The following DNAAF11 variants were observed in gnomAD, a reference collection of about 807,000 sequenced individuals.
DNAAF11 encodes the protein leucine rich repeat containing 6.
DNAAF11 carries 45 observed loss-of-function variants against 60.8 expected under a neutral mutation model. That is an observed-to-expected ratio of 0.74 (90% CI 0.58 to 0.95). The LOEUF is 0.95. Ranked by LOEUF, DNAAF11 falls within the 40% of genes least tolerant of loss-of-function variation. DNAAF11 has a pLI of 0.00. For synonymous variants in DNAAF11, 191 were observed against 183.5 expected (o/e 1.04, Z -0.33); for missense variants, 546 against 546.2 (o/e 1.00, Z 0.00).
At chr8:132,584,536 G>A (rs968897666) in intron 10 of DNAAF11, among the ~76,000 whole-genome samples, 2 of 152,164 alleles carry the variant, frequency 1.3e-5, no homozygotes, top group Admixed American at 6.5e-5. Context: ...ACATTCCTAT[G>A]AGACAGGGAT....
chr8:132,587,610 A>G (rs542672660), intron 10 of DNAAF11, among the ~76,000 whole-genome samples: 1 of 151,550 alleles, frequency 6.6e-6, no homozygotes, highest in Non-Finnish European at 1.5e-5. Context: ...CGTCTTATTC[A>G]TTTGTGCTAA....
At position 132,572,243 on chromosome 8, in the gene DNAAF11, G is replaced by T. The variant is rs559073925; in HGVS notation, c.*63C>A. ...TTATCCCAGGAATAATATGCATATG[G>T]TCTCTACACCAACCAAAACTGGACC... On this transcript the variant is annotated 3_prime_UTR_variant, in exon 12 of 12. Transcript: ENST00000620350. 9.5e-5 allele frequency: 134 copies of T among 1,404,244 alleles called. 12 individuals are homozygous for T. Among genetic ancestry groups the T allele is most frequent in the Admixed American group, 4.5e-4 (23 of 50,974 alleles). The allele number at this position is 1,404,244 out of a possible 1,614,324, so 87.0% of individuals were successfully genotyped here. A position where few individuals can be genotyped will look rare whatever the true frequency, so the allele number is the denominator to read the frequency against.
At chr8:132,664,628 ATT>A (rs765311899) in intron 1 of DNAAF11, among the ~76,000 whole-genome samples, 1 of 140,318 alleles carries the variant, frequency 7.1e-6, no homozygotes. Flanking sequence ...CACCCAGCTA[ATT>A]TTTTTTTTTT....
At chr8:132,656,459 T>C (rs1342940999) in intron 3 of DNAAF11, among the ~76,000 whole-genome samples, 1 of 152,346 alleles carries the variant, frequency 6.6e-6, no homozygotes, top group East Asian at 1.9e-4. Context: ...TATACAAGAC[T>C]GTTTAAATCT....
At chr8:132,577,995 C>T (rs1435966997) in intron 11 of DNAAF11, among the ~76,000 whole-genome samples, 1 of 151,976 alleles carries the variant, frequency 6.6e-6, no homozygotes, top group East Asian at 1.9e-4. Context: ...AAAATTTATT[C>T]CAAAACAAAT....
At chr8:132,584,667 A>G (rs1190789393) in intron 10 of DNAAF11, among the ~76,000 whole-genome samples, 2 of 151,914 alleles carry the variant, frequency 1.3e-5, no homozygotes, top group Non-Finnish European at 2.9e-5. Flanking sequence ...CTCTACCCTC[A>G]CCAGGTCCTT....
intron 3 of DNAAF11, among the ~76,000 whole-genome samples, chr8:132,655,168 A>G (rs573369555): frequency 2.3e-4 from 35 of 152,212 alleles, no homozygotes; most frequent in African/African-American, 7.5e-4. Flanking sequence ...AGTGAAATAG[A>G]TAAATTCTAG....
At chr8:132,685,519 T>C in the DNAAF11 span, among the ~76,000 whole-genome samples, 5 of 152,216 alleles carry the variant, frequency 3.3e-5, no homozygotes, top group African/African-American at 1.2e-4. Context: ...TTTGAGTTTT[T>C]TGTGAGAAGA....
intron 3 of DNAAF11, 27 bp downstream of exon 3, chr8:132,656,803 A>G (rs1376105065): frequency 1.0e-6 from 1 of 995,608 alleles, no homozygotes; most frequent in Non-Finnish European, 1.6e-6. Context: ...TTAATTCATA[A>G]TAGCATAATA....
At chr8:132,653,004 G>C (rs1206739914) in intron 3 of DNAAF11, among the ~76,000 whole-genome samples, 1 of 152,054 alleles carries the variant, frequency 6.6e-6, no homozygotes, top group Admixed American at 6.6e-5. Context: ...AATGAACAGG[G>C]ATGAAAAGAA....
the DNAAF11 span, among the ~76,000 whole-genome samples, chr8:132,691,666 T>C: frequency 6.6e-6 from 1 of 152,134 alleles, no homozygotes; most frequent in Admixed American, 6.6e-5. Context: ...GAGACTTTTT[T>C]TTAAATAAAC....
At chr8:132,658,904 G>C (rs931076633) in intron 2 of DNAAF11, among the ~76,000 whole-genome samples, 2 of 152,170 alleles carry the variant, frequency 1.3e-5, no homozygotes, top group Non-Finnish European at 2.9e-5. Context: ...AGTCAAAATG[G>C]AAGAGCCTCT....
At chr8:132,700,375 A>G in the DNAAF11 span, among the ~76,000 whole-genome samples, 1 of 152,148 alleles carries the variant, frequency 6.6e-6, no homozygotes, top group Admixed American at 6.5e-5. Context: ...TCTGGGAGAA[A>G]AAGAGTCTGA....
chr8:132,588,804 A>T (rs1586494079), intron 10 of DNAAF11, among the ~76,000 whole-genome samples: 1 of 152,020 alleles, frequency 6.6e-6, no homozygotes, highest in Admixed American at 6.5e-5. Context: ...GGCTTCTGGG[A>T]AGGCCTCAGG....
chr8:132,658,114 A>G (rs1186350335), intron 2 of DNAAF11, among the ~76,000 whole-genome samples: 1 of 152,182 alleles, frequency 6.6e-6, no homozygotes, highest in Non-Finnish European at 1.5e-5. Context: ...TTAATCTAAA[A>G]TGTACAAAAC....
At chr8:132,593,361 ATT>A (rs1816677916) in intron 10 of DNAAF11, among the ~76,000 whole-genome samples, 2 of 144,516 alleles carry the variant, frequency 1.4e-5, no homozygotes, top group African/African-American at 2.5e-5. Context: ...ATATATATAT[ATT>A]TATATGTAAT....
intron 10 of DNAAF11, among the ~76,000 whole-genome samples, chr8:132,597,573 C>A (rs576078973): frequency 1.3e-5 from 2 of 152,160 alleles, no homozygotes; most frequent in South Asian, 2.1e-4. Context: ...TTGTTTATTT[C>A]ACTTCCAGGA....
At chr8:132,674,615 G>A (rs187930331) in intron 1 of DNAAF11, among the ~76,000 whole-genome samples, 1 of 152,346 alleles carries the variant, frequency 6.6e-6, no homozygotes, top group Non-Finnish European at 1.5e-5. Flanking sequence ...ACTACCGGGC[G>A]CAGTGGCTCA....
At chr8:132,610,054 GC>G (rs1818498832) in intron 10 of DNAAF11, 111 bp downstream of exon 10, 2 of 671,568 alleles carry the variant, frequency 3.0e-6, no homozygotes, top group East Asian at 5.4e-5. Flanking sequence ...ATTTCCTGGT[GC>G]TCCCAACTAA....
Sources: gnomAD v4.1 joint callset for allele counts (sites outside exome capture counted in the v4.1 genomes callset) on GRCh38, gnomAD v4.1.1 for gene constraint, MANE v1.5 for transcripts, NCBI Gene and HGNC (gene_info 2026-07-23, HGNC 2026-07-21) for gene names.